PIR: variants seen among roughly 807,000 people sequenced by gnomAD.
The protein encoded by PIR is pirin.
Under a neutral mutation model 24.2 loss-of-function variants are expected in PIR, and 22 were observed. The observed-to-expected ratio is 0.91, with a 90% confidence interval of 0.65 to 1.30. The LOEUF (loss-of-function observed/expected upper bound fraction) is 1.30. PIR is among the 50% of genes most tolerant of loss of function. The pLI is 0.00. For missense variants in PIR, 220 were observed against 220.3 expected, an observed-to-expected ratio of 1.00 and a Z score of 0.01; for synonymous variants, 80 against 79.6, an observed-to-expected ratio of 1.00 and a Z score of -0.03.
chrX:15,482,047 C>T (rs1266226577), intron 2 of PIR, among the ~76,000 whole-genome samples: 1 of 111,799 alleles, frequency 8.9e-6, no homozygotes, highest in Non-Finnish European at 1.9e-5. Context: ...AAGCATGTGA[C>T]ATGGCCAAGC....
intron 7 of PIR, among the ~76,000 whole-genome samples, chrX:15,398,188 T>C (rs1924242978): frequency 9.0e-6 from 1 of 111,228 alleles, no homozygotes; most frequent in African/African-American, 3.3e-5. Flanking sequence ...ATGGCACGTG[T>C]ATACCTATGT....
At chrX:15,451,813 G>C (rs1920968580) in intron 5 of PIR, among the ~76,000 whole-genome samples, 1 of 112,146 alleles carries the variant, frequency 8.9e-6, no homozygotes, top group Admixed American at 9.5e-5. Flanking sequence ...TCAGAAGAAA[G>C]ATTCTTTTGG....
intron 5 of PIR, among the ~76,000 whole-genome samples, chrX:15,443,525 G>T (rs1488081075): frequency 9.0e-6 from 1 of 110,856 alleles, no homozygotes; most frequent in Non-Finnish European, 1.9e-5. Context: ...TAATTTAATT[G>T]ATATTAATCA....
chrX:15,486,583 T>C (rs1433843008), intron 2 of PIR, among the ~76,000 whole-genome samples: 1 of 111,834 alleles, frequency 8.9e-6, no homozygotes, highest in African/African-American at 3.3e-5. Context: ...TGATTGAATC[T>C]AGCTACAACG....
chrX:15,398,669 G>GGTGTGTGTGT (rs371177726), intron 7 of PIR, among the ~76,000 whole-genome samples: 811 of 76,089 alleles, frequency 0.011, 8 homozygotes, highest in Middle Eastern at 0.021. Context: ...GAGGAGGGAG[G>GGTGTGTGTGT]GTGTGTGTGT....
At chrX:15,470,758 C>T (rs1204026909) in intron 3 of PIR, among the ~76,000 whole-genome samples, 2 of 109,708 alleles carry the variant, frequency 1.8e-5, no homozygotes, top group African/African-American at 6.6e-5. Flanking sequence ...CCCACCACCA[C>T]GCCCAGCTAA....
At chrX:15,476,696 T>C (rs1922213383) in intron 3 of PIR, among the ~76,000 whole-genome samples, 1 of 111,007 alleles carries the variant, frequency 9.0e-6, no homozygotes, top group Non-Finnish European at 1.9e-5. Context: ...ATATGTATGG[T>C]GAATGAATGT....
intron 8 of PIR, among the ~76,000 whole-genome samples, chrX:15,394,167 T>C (rs1924048744): frequency 9.0e-6 from 1 of 111,440 alleles, no homozygotes; most frequent in African/African-American, 3.3e-5. Context: ...TGCTTTAGCA[T>C]GACTTATTGC....
intron 3 of PIR, among the ~76,000 whole-genome samples, chrX:15,461,397 T>C (rs1019050185): frequency 8.9e-6 from 1 of 112,751 alleles, no homozygotes; most frequent in African/African-American, 3.2e-5. Flanking sequence ...GACATGTCCA[T>C]ACTAAATCTA....
intron 7 of PIR, among the ~76,000 whole-genome samples, chrX:15,405,725 T>C (rs1924531782): frequency 8.9e-6 from 1 of 112,350 alleles, no homozygotes; most frequent in Non-Finnish European, 1.9e-5. Context: ...CTCTTCCAGA[T>C]GGTTAATATA....
chrX:15,423,185 C>T (rs888024512), intron 6 of PIR, among the ~76,000 whole-genome samples: 1 of 111,971 alleles, frequency 8.9e-6, no homozygotes, highest in African/African-American at 3.2e-5. Flanking sequence ...TACAAGTAAA[C>T]ATTGGGGAAA....
At chrX:15,488,914 T>A (rs1923016523) in intron 2 of PIR, among the ~76,000 whole-genome samples, 1 of 112,116 alleles carries the variant, frequency 8.9e-6, no homozygotes, top group Non-Finnish European at 1.9e-5. Flanking sequence ...TTTTTGTTTT[T>A]TTTTTATTGT....
intron 5 of PIR, among the ~76,000 whole-genome samples, chrX:15,435,200 A>G (rs1006036296): frequency 1.8e-5 from 2 of 111,129 alleles, no homozygotes; most frequent in African/African-American, 6.5e-5. Context: ...CTGTCAAAAA[A>G]AGAAAAAGAG....
At chrX:15,386,584 T>A (rs1021711315) in intron 9 of PIR, among the ~76,000 whole-genome samples, 12 of 111,481 alleles carry the variant, frequency 1.1e-4, no homozygotes, top group African/African-American at 3.9e-4. Context: ...AGGATAAAAG[T>A]GTAAAAACTA....
intron 5 of PIR, among the ~76,000 whole-genome samples, chrX:15,454,475 A>C (rs1921007279): frequency 1.5e-5 from 1 of 64,968 alleles, no homozygotes; most frequent in South Asian, 1.0e-3. Context: ...GGTACAGGTA[A>C]AAAAAAAAAA....
intron 5 of PIR, among the ~76,000 whole-genome samples, chrX:15,449,149 C>T (rs192827928): frequency 2.7e-5 from 3 of 111,789 alleles, no homozygotes; most frequent in Non-Finnish European, 5.6e-5. Flanking sequence ...GAAGGCTGCA[C>T]CAAAGAGAGG....
At chrX:15,472,583 C>G in intron 3 of PIR, among the ~76,000 whole-genome samples, 1 of 112,158 alleles carries the variant, frequency 8.9e-6, no homozygotes, top group African/African-American at 3.2e-5. Context: ...AGGCCACATA[C>G]CATATGATTC....
At position 15,425,953 on chromosome X, in the gene PIR, T is replaced by C. The variant is rs768193675; in HGVS notation, c.518A>G (p.Asp173Gly). The C allele has an allele frequency of 1.4e-5, 17 of 1,196,120 alleles. No homozygotes were observed. Among genetic ancestry groups the C allele is most frequent in the Non-Finnish European group, 1.8e-5 (16 of 882,987 alleles). ...TTTGGCTCCTGGGTCCAATTTGAAG[T>C]CCAAATATAAGGTTGGTGTGCGAGT... ...VYTRTPTLYL[D>G]FKLDPGAKHS... Residue 173 changes from aspartate to glycine, a missense_variant, in exon 6 of 10, where the codon GAC (aspartate) becomes GGC (glycine). Transcript: ENST00000380420.
chrX:15,462,899 G>A (rs1163992619), intron 3 of PIR, among the ~76,000 whole-genome samples: 4 of 112,017 alleles, frequency 3.6e-5, no homozygotes, highest in African/African-American at 1.3e-4. Flanking sequence ...ACTGTGTTGG[G>A]AGATAAAAAA....
Sources: allele counts gnomAD v4.1 joint callset (sites outside exome capture counted in the v4.1 genomes callset), GRCh38; gene constraint gnomAD v4.1.1; transcripts MANE v1.5; gene names NCBI Gene and HGNC (gene_info 2026-07-23, HGNC 2026-07-21).